Variants in TMEM132C observed in about 807,000 individuals in gnomAD.
TMEM132C encodes the protein protein phosphatase 1, regulatory subunit 152.
In TMEM132C, 29 loss-of-function variants were observed where a neutral mutation model predicts 61.4. That is an observed-to-expected ratio of 0.47 (90% CI 0.35 to 0.64). TMEM132C has a LOEUF of 0.64. Ranked by LOEUF, TMEM132C falls within the 30% of genes least tolerant of loss-of-function variation. The probability of loss-of-function intolerance (pLI) is 0.00; values close to 1 mark genes in which losing one functional copy is unlikely to be tolerated. For synonymous variants in TMEM132C, 656 were observed against 633.1 expected (o/e 1.04, Z -0.54); for missense variants, 1,408 against 1,476.9 (o/e 0.95, Z 0.76).
intron 1 of TMEM132C, among the ~76,000 whole-genome samples, chr12:128,299,702 C>G (rs1871535372): frequency 6.6e-6 from 1 of 152,194 alleles, no homozygotes; most frequent in African/African-American, 2.4e-5. Flanking sequence ...GGGTGTATAG[C>G]TTGGTCACCT....
intron 5 of TMEM132C, among the ~76,000 whole-genome samples, chr12:128,675,095 T>C (rs1183376130): frequency 2.0e-5 from 3 of 152,188 alleles, no homozygotes; most frequent in African/African-American, 7.2e-5. Flanking sequence ...TTTCCTTCAT[T>C]CTTTCCTTCT....
intron 2 of TMEM132C, among the ~76,000 whole-genome samples, chr12:128,522,068 A>G (rs556887507): frequency 6.6e-6 from 1 of 152,284 alleles, no homozygotes; most frequent in South Asian, 2.1e-4. Flanking sequence ...TGTATTTTCC[A>G]GACCTAAACT....
intron 4 of TMEM132C, among the ~76,000 whole-genome samples, chr12:128,642,881 C>T (rs1196758395): frequency 6.6e-6 from 1 of 152,192 alleles, no homozygotes; most frequent in Non-Finnish European, 1.5e-5. Flanking sequence ...GAACTGGCTT[C>T]CAAGTGTGTG....
At position 128,326,549 on chromosome 12, in the gene TMEM132C, C is replaced by T. The variant is rs927293110; in HGVS notation, c.85+59062C>T. 2.0e-5 allele frequency among the ~76,000 whole-genome samples: 3 copies of T among 152,144 alleles called. No individual in the cohort carries two copies. The highest frequency in any genetic ancestry group is 4.8e-5 in the African/African-American group (2 of 41,424). ...TGTGAGGTGGAGCAGCCCAGGCTTC[C>T]ACAATATCTAGAATTGGAACAGTAG... On this transcript the variant is annotated intron_variant, in intron 1 of 8. Coordinates refer to ENST00000435159, the MANE Select transcript of TMEM132C (RefSeq NM_001136103.3). This position sits in a 1 kb window ranked among gnomAD's most constrained non-coding sequence, Gnocchi z 5.6.
At chr12:128,402,955 C>T (rs750617844) in intron 1 of TMEM132C, among the ~76,000 whole-genome samples, 15 of 152,148 alleles carry the variant, frequency 9.9e-5, no homozygotes, top group East Asian at 1.9e-4. Flanking sequence ...TTATGGAGCG[C>T]TCCCAGAGAA....
intron 2 of TMEM132C, among the ~76,000 whole-genome samples, chr12:128,512,008 T>C (rs1452459595): frequency 6.6e-6 from 1 of 152,132 alleles, no homozygotes; most frequent in Non-Finnish European, 1.5e-5. Flanking sequence ...AGGGCTGCTG[T>C]GTCGGTCCAA....
intron 2 of TMEM132C, among the ~76,000 whole-genome samples, chr12:128,516,318 G>A (rs754505226): frequency 2.0e-5 from 3 of 152,146 alleles, no homozygotes; most frequent in South Asian, 2.1e-4. Context: ...GTGTGAGCAC[G>A]ACATGGCAGC....
chr12:128,646,795 T>C (rs1049729768), intron 4 of TMEM132C, among the ~76,000 whole-genome samples: 2 of 151,270 alleles, frequency 1.3e-5, no homozygotes, highest in Non-Finnish European at 2.9e-5. Flanking sequence ...TCCATCAGCA[T>C]TGGATGAGTG....
intron 2 of TMEM132C, among the ~76,000 whole-genome samples, chr12:128,487,565 AATC>A (rs1753329666): frequency 6.7e-6 from 1 of 149,718 alleles, no homozygotes; most frequent in Non-Finnish European, 1.5e-5. Flanking sequence ...TGCCCCATGT[AATC>A]AGTTTCAATG....
chr12:128,472,011 G>T (rs2136081342), intron 2 of TMEM132C, among the ~76,000 whole-genome samples: 1 of 152,230 alleles, frequency 6.6e-6, no homozygotes, highest in South Asian at 2.1e-4. Flanking sequence ...CTGTAGTCTG[G>T]GGGTAGTTTA....
At chr12:128,581,233 T>C (rs538668036) in intron 3 of TMEM132C, among the ~76,000 whole-genome samples, 1 of 152,234 alleles carries the variant, frequency 6.6e-6, no homozygotes, top group South Asian at 2.1e-4. Flanking sequence ...CAAAACGCTG[T>C]TGGAATCCCC....
intron 2 of TMEM132C, among the ~76,000 whole-genome samples, chr12:128,435,852 C>T (rs1265036600): frequency 6.6e-6 from 1 of 152,086 alleles, no homozygotes; most frequent in Non-Finnish European, 1.5e-5. Flanking sequence ...CAATCCTAAG[C>T]AAAAAGAACA....
At chr12:128,699,711 A>G (rs1375939886) in intron 8 of TMEM132C, among the ~76,000 whole-genome samples, 1 of 152,216 alleles carries the variant, frequency 6.6e-6, no homozygotes, top group Non-Finnish European at 1.5e-5. Context: ...GCCATGTAAC[A>G]ATATAACATA....
At chr12:128,682,587 T>C (rs948106269) in intron 5 of TMEM132C, among the ~76,000 whole-genome samples, 3 of 152,202 alleles carry the variant, frequency 2.0e-5, no homozygotes, top group Non-Finnish European at 2.9e-5. Context: ...TAACACTCTC[T>C]GTGTGTAGGA....
chr12:128,520,450 G>A (rs1411894499), intron 2 of TMEM132C, among the ~76,000 whole-genome samples: 1 of 152,146 alleles, frequency 6.6e-6, no homozygotes, highest in Admixed American at 6.5e-5. Context: ...ATGAACCCTT[G>A]GTTCACCCTT....
chr12:128,267,479 TG>T lies in TMEM132C; in HGVS notation c.80del (p.Gly27AlafsTer3). Reference sequence around the variant, plus strand: ...CTGAGCCTGCTGCTGGGCGCGCTGCTGGGCAAAGGTAAGGCCGGGGCGGGTG... The same window carrying T: ...CTGAGCCTGCTGCTGGGCGCGCTGCTGGCAAAGGTAAGGCCGGGGCGGGTG... ...GALSLLLGAL[L>X]GKVIEGHGVT... On this transcript the variant is annotated frameshift_variant, in exon 1 of 9. Transcript: ENST00000435159. LOFTEE classifies it high-confidence loss of function. 1.6e-6 allele frequency: 2 copies of T among 1,264,344 alleles called. No homozygotes were observed. The allele number at this position is 1,264,344 out of a possible 1,614,324, so 78.3% of individuals were successfully genotyped here.
At chr12:128,572,725 T>C (rs1487037196) in intron 3 of TMEM132C, among the ~76,000 whole-genome samples, 2 of 130,286 alleles carry the variant, frequency 1.5e-5, no homozygotes, top group African/African-American at 5.9e-5. Context: ...GTGGCCTCTG[T>C]TGGCCTCTAA....
intron 4 of TMEM132C, among the ~76,000 whole-genome samples, chr12:128,623,895 C>G (rs147314588): frequency 2.0e-5 from 3 of 152,024 alleles, no homozygotes; most frequent in Non-Finnish European, 4.4e-5. Flanking sequence ...AAGAAGAAGA[C>G]GAAAGTGAAA....
At chr12:128,577,873 C>T (rs535227956) in intron 3 of TMEM132C, among the ~76,000 whole-genome samples, 2 of 152,318 alleles carry the variant, frequency 1.3e-5, no homozygotes, top group Non-Finnish European at 2.9e-5. Flanking sequence ...TTCGCGGCTC[C>T]CCTCAAATGA....
Sources: allele counts gnomAD v4.1 joint callset (sites outside exome capture counted in the v4.1 genomes callset), GRCh38; gene constraint gnomAD v4.1.1; non-coding constraint Gnocchi (gnomAD v3.1); transcripts MANE v1.5; gene names NCBI Gene and HGNC (gene_info 2026-07-23, HGNC 2026-07-21).